Variants in DEAF1 observed in about 807,000 individuals in gnomAD.
The protein encoded by DEAF1 is deformed epidermal autoregulatory factor 1 homolog.
A neutral mutation model predicts 58.9 loss-of-function variants in DEAF1; 53 were observed. The observed-to-expected ratio is 0.90, with a 90% CI of 0.72 to 1.13. The LOEUF is 1.13. Ranked by LOEUF, DEAF1 falls within the 50% of genes most tolerant of loss-of-function variation. DEAF1 has a pLI of 0.00. For synonymous variants in DEAF1, 385 were observed against 340.4 expected (o/e 1.13, Z -1.44); for missense variants, 685 against 791.4 (o/e 0.87, Z 1.61).
chr11:699,283 TCA>T (rs1470385579), upstream of DEAF1: 6 of 249,232 alleles, frequency 2.4e-5, no homozygotes, highest in South Asian at 3.6e-4. Flanking sequence ...AGTGTGGCAA[TCA>T]CAGCTCACTG....
At chr11:680,902 G>GA (rs1412317741) in intron 7 of DEAF1, 61 bp downstream of exon 7, 1 of 1,611,300 alleles carries the variant, frequency 6.2e-7, no homozygotes, top group African/African-American at 1.3e-5. Flanking sequence ...GAGTGGTGAC[G>GA]AGAGAAGGCA....
intron 7 of DEAF1, among the ~76,000 whole-genome samples, chr11:680,552 G>A (rs972815425): frequency 1.3e-5 from 2 of 152,220 alleles, no homozygotes; most frequent in African/African-American, 4.8e-5. Flanking sequence ...CGAGGCTGCA[G>A]CGAGCCGGGA....
chr11:648,396 C>T (rs986729970), intron 11 of DEAF1, among the ~76,000 whole-genome samples: 49 of 152,162 alleles, frequency 3.2e-4, no homozygotes, highest in African/African-American at 6.5e-4. Context: ...GGGGTTTCAC[C>T]ATGTTAGCCA....
chr11:668,759 C>G (rs1018817848), intron 10 of DEAF1, among the ~76,000 whole-genome samples: 6 of 152,164 alleles, frequency 3.9e-5, no homozygotes, highest in Non-Finnish European at 7.3e-5. Context: ...GAACTTGAGG[C>G]TGCAGTGAGC....
intron 1 of DEAF1, among the ~76,000 whole-genome samples, chr11:702,575 T>C (rs1011282645): frequency 6.6e-6 from 1 of 152,378 alleles, no homozygotes; most frequent in African/African-American, 2.4e-5. Context: ...AAAAATACTT[T>C]GGGAATTTTT....
intron 10 of DEAF1, among the ~76,000 whole-genome samples, chr11:667,394 G>C (rs891607881): frequency 2.0e-4 from 29 of 143,688 alleles, no homozygotes; most frequent in Non-Finnish European, 3.0e-4. Context: ...GAAGGAGAGA[G>C]GGAGGGAGGG....
chr11:678,130 T>A (rs981484337), intron 9 of DEAF1, among the ~76,000 whole-genome samples: 1 of 150,726 alleles, frequency 6.6e-6, no homozygotes, highest in African/African-American at 2.4e-5. Context: ...GGAGAATCAC[T>A]TGAACCAGGC....
At chr11:701,594 A>G (rs1239609888) in intron 1 of DEAF1, among the ~76,000 whole-genome samples, 1 of 151,750 alleles carries the variant, frequency 6.6e-6, no homozygotes, top group Non-Finnish European at 1.5e-5. Flanking sequence ...TATTTTTAGT[A>G]GAGATGGGGT....
chr11:703,210 A>G, intron 1 of DEAF1: 3 of 1,519,818 alleles, frequency 2.0e-6, no homozygotes, highest in South Asian at 1.3e-5. Context: ...CCAGTCCCCC[A>G]GCTGTCACCT....
At chr11:690,463 G>A (rs559060578) in intron 2 of DEAF1, among the ~76,000 whole-genome samples, 22 of 151,832 alleles carry the variant, frequency 1.4e-4, no homozygotes, top group Non-Finnish European at 2.2e-4. Flanking sequence ...TGTGCTTTCA[G>A]GCCGGGTGTG....
intron 1 of DEAF1, chr11:703,318 G>C (rs1861585526): frequency 7.1e-7 from 1 of 1,415,090 alleles, no homozygotes; most frequent in Admixed American, 3.1e-5. Context: ...GCAGGAGCCA[G>C]GGCAGAACAA....
chr11:682,419 A>G (rs1417816391), intron 6 of DEAF1, among the ~76,000 whole-genome samples: 1 of 152,166 alleles, frequency 6.6e-6, no homozygotes, highest in South Asian at 2.1e-4. Flanking sequence ...TTCTTGCTCT[A>G]ATGGAACTGC....
chr11:647,195 C>G (rs573624283), intron 11 of DEAF1, among the ~76,000 whole-genome samples: 31 of 151,828 alleles, frequency 2.0e-4, no homozygotes, highest in African/African-American at 7.5e-4. Context: ...GTGGCTCATG[C>G]CAGTAATCTC....
chr11:694,509 A>G, intron 1 of DEAF1: 1 of 310,432 alleles, frequency 3.2e-6, no homozygotes, highest in Non-Finnish European at 5.6e-6. Context: ...CGGGTGGGGC[A>G]GGTGTGAGAG....
rs1052624750 is a variant in DEAF1 at position 652,687 on chromosome 11, A to G, written c.1593+1275T>C. 2.0e-5 allele frequency among the ~76,000 whole-genome samples: 3 copies of G among 152,138 alleles called. No individual in the cohort carries two copies. In the South Asian group the frequency reaches 6.2e-4, roughly 32 times the overall value. On this transcript the variant is annotated intron_variant, in intron 11 of 11. Transcript: ENST00000382409. ...AAGGGCACACTTCCCAATTGATCTG[A>G]AAGGCCAGTGTTGCTCTGACACCAA... is the stretch of plus-strand genomic sequence containing the variant.
At chr11:677,953 A>G (rs1860150651) in intron 9 of DEAF1, among the ~76,000 whole-genome samples, 1 of 117,304 alleles carries the variant, frequency 8.5e-6, no homozygotes, top group Non-Finnish European at 1.7e-5. Flanking sequence ...ACAGAGTGAC[A>G]CTCTGTCTCA....
At chr11:703,305 G>A in intron 1 of DEAF1, 3 of 1,424,226 alleles carry the variant, frequency 2.1e-6, no homozygotes, top group Non-Finnish European at 2.8e-6. Flanking sequence ...GGCAGGAGTG[G>A]GAGCAGGAGC....
At chr11:657,809 C>G (rs1564928486) in intron 10 of DEAF1, among the ~76,000 whole-genome samples, 1 of 152,130 alleles carries the variant, frequency 6.6e-6, no homozygotes, top group Non-Finnish European at 1.5e-5. Context: ...CAGGCCCTCT[C>G]AGAACTGCAG....
intron 1 of DEAF1, among the ~76,000 whole-genome samples, chr11:692,563 C>T (rs1394146367): frequency 6.6e-6 from 1 of 152,186 alleles, no homozygotes; most frequent in Non-Finnish European, 1.5e-5. Flanking sequence ...CTAAAAATGC[C>T]TGTTTGCAGC....
Sources: gnomAD v4.1 joint callset for allele counts (sites outside exome capture counted in the v4.1 genomes callset) on GRCh38, gnomAD v4.1.1 for gene constraint, MANE v1.5 for transcripts, NCBI Gene and HGNC (gene_info 2026-07-23, HGNC 2026-07-21) for gene names.